The following MPRIP variants were observed in gnomAD, a reference collection of about 807,000 sequenced individuals.
The protein encoded by MPRIP is myosin phosphatase Rho interacting protein, also known as myosin phosphatase Rho-interacting protein.
In MPRIP, 59 loss-of-function variants were observed where a neutral mutation model predicts 234.9. That is an observed-to-expected ratio of 0.25 (90% CI 0.20 to 0.31). MPRIP has a LOEUF of 0.31. Ranked by LOEUF, MPRIP falls within the 10% of genes least tolerant of loss-of-function variation. The probability of loss-of-function intolerance (pLI) is 1.00; values close to 1 mark genes in which losing one functional copy is unlikely to be tolerated. For synonymous variants in MPRIP, 1,144 were observed against 1,263.9 expected, an observed-to-expected ratio of 0.91 and a Z score of 2.01; for missense variants, 2,436 against 3,071.0, an observed-to-expected ratio of 0.79 and a Z score of 4.89.
intron 23 of MPRIP, 195 bp downstream of exon 23, chr17:17,180,283 TG>T (rs1170182769): frequency 1.6e-6 from 1 of 607,754 alleles, no homozygotes; most frequent in Non-Finnish European, 2.9e-6. Context: ...AGCCACCTCC[TG>T]GCAATGACAC....
At chr17:17,082,688 A>G (rs534981904) in intron 3 of MPRIP, among the ~76,000 whole-genome samples, 1 of 152,276 alleles carries the variant, frequency 6.6e-6, no homozygotes, top group East Asian at 1.9e-4. Context: ...GTACATTCAC[A>G]TTGTTGCACA....
intron 4 of MPRIP, among the ~76,000 whole-genome samples, chr17:17,127,080 T>G (rs1239142868): frequency 6.6e-6 from 1 of 152,156 alleles, no homozygotes; most frequent in Admixed American, 6.5e-5. Flanking sequence ...TCTGGCCACC[T>G]TACCCTCCTC....
Position 17,192,531 on chromosome 17 carries a change from T to C in MPRIP, c.*7637T>C, listed in dbSNP as rs545634505. On this transcript the variant is annotated 3_prime_UTR_variant, in exon 24 of 24. Coordinates refer to ENST00000651222, the MANE Select transcript of MPRIP (RefSeq NM_001364716.4). Reference sequence around the variant, plus strand: ...TTGAAGTGTTACTTTGTCAGAATATTTATTCCTTTGTGTGACATGCTAGAT... The same window carrying C: ...TTGAAGTGTTACTTTGTCAGAATATCTATTCCTTTGTGTGACATGCTAGAT... The C allele has an allele frequency of 6.6e-6, 1 of 152,030 alleles. No individual in the cohort carries two copies. The highest frequency in any genetic ancestry group is 2.1e-4 in the South Asian group (1 of 4,804). 9.4% of individuals were successfully genotyped at this position (152,030 alleles called of 1,614,324 possible). A position where few individuals can be genotyped will look rare whatever the true frequency, so the allele number is the denominator to read the frequency against.
intron 1 of MPRIP, among the ~76,000 whole-genome samples, chr17:17,066,323 TGA>T (rs2089023676): frequency 6.6e-6 from 1 of 152,214 alleles, no homozygotes; most frequent in African/African-American, 2.4e-5. Flanking sequence ...TCCTACTTTC[TGA>T]GAGGTTTTTA....
intron 3 of MPRIP, among the ~76,000 whole-genome samples, chr17:17,102,200 T>C (rs2089976522): frequency 6.6e-6 from 1 of 152,164 alleles, no homozygotes; most frequent in African/African-American, 2.4e-5. Context: ...CCTTCCTGTC[T>C]TTATGGGCCA....
At chr17:17,102,828 C>T (rs2144228909) in intron 3 of MPRIP, among the ~76,000 whole-genome samples, 1 of 152,362 alleles carries the variant, frequency 6.6e-6, no homozygotes, top group South Asian at 2.1e-4. Context: ...CCCTGCTGGG[C>T]AACGTTGAGG....
At chr17:17,127,433 A>C (rs2090514762) in intron 4 of MPRIP, among the ~76,000 whole-genome samples, 1 of 152,240 alleles carries the variant, frequency 6.6e-6, no homozygotes, top group African/African-American at 2.4e-5. Context: ...AGAGTGGCGA[A>C]CTGGCTCAGG....
Position 17,191,898 on chromosome 17 carries a change from ACT to A in MPRIP, c.*7005_*7006del. Reference sequence around the variant, plus strand: ...GTATTAACAACGTATCTACTGACATACTGTTAGGATTCAAAACCAGTTAAGTA... The same window carrying A: ...GTATTAACAACGTATCTACTGACATAGTTAGGATTCAAAACCAGTTAAGTA... On this transcript the variant is annotated 3_prime_UTR_variant, in exon 24 of 24. Coordinates refer to ENST00000651222, the MANE Select transcript of MPRIP (RefSeq NM_001364716.4). 6.6e-6 allele frequency: 1 copy of A among 152,208 alleles called. No individual in the cohort carries two copies. Among genetic ancestry groups the A allele is most frequent in the South Asian group, 2.1e-4 (1 of 4,830 alleles). The allele number at this position is 152,208 out of a possible 1,614,324, so 9.4% of individuals were successfully genotyped here.
At position 17,190,615 on chromosome 17, in the gene MPRIP, A is replaced by C. The variant is rs1305808285; in HGVS notation, c.*5721A>C. The C allele has an allele frequency of 6.6e-6, 1 of 152,232 alleles. No individual in the cohort carries two copies. The highest frequency in any genetic ancestry group is 1.5e-5 in the Non-Finnish European group (1 of 68,036). The allele number at this position is 152,232 out of a possible 1,614,324, so 9.4% of individuals were successfully genotyped here. ...GCCCTTTTCAGAACTGTGAGCTTCA[A>C]GTATTCTTGCTTCTCTGTAAAGGGA... On this transcript the variant is annotated 3_prime_UTR_variant, in exon 24 of 24. Coordinates refer to ENST00000651222, the MANE Select transcript of MPRIP (RefSeq NM_001364716.4).
chr17:17,159,334 G>A (rs1023650046), intron 14 of MPRIP, among the ~76,000 whole-genome samples: 1 of 152,246 alleles, frequency 6.6e-6, no homozygotes, highest in Non-Finnish European at 1.5e-5. Flanking sequence ...GGAGGGGCGC[G>A]AGCAGGGCAA....
chr17:17,172,960 C>A (rs1189307266), intron 18 of MPRIP, 145 bp downstream of exon 18: 3 of 658,086 alleles, frequency 4.6e-6, no homozygotes, highest in African/African-American at 3.6e-5. Context: ...GCTCAGATGC[C>A]CTCTTGTCCA....
At chr17:17,143,259 C>T (rs2045370491) in intron 8 of MPRIP, among the ~76,000 whole-genome samples, 1 of 152,216 alleles carries the variant, frequency 6.6e-6, no homozygotes, top group Non-Finnish European at 1.5e-5. Flanking sequence ...CACCTGCCAC[C>T]ACAGAGCCCA....
chr17:17,167,799 A>G lies in MPRIP; in HGVS notation c.6208A>G (p.Ile2070Val). The G allele has an allele frequency of 7.7e-7, 1 of 1,304,262 alleles. No homozygotes were observed. Among genetic ancestry groups the G allele is most frequent in the South Asian group, 1.2e-5 (1 of 81,036 alleles). 80.8% of individuals were successfully genotyped at this position (1,304,262 alleles called of 1,614,324 possible). Residue 2070 changes from isoleucine (I) to valine (V), a missense_variant, in exon 16 of 24, where the codon ATC becomes GTC. Physicochemically the swap from Ile to Val is conservative, Grantham distance 29. Transcript: ENST00000651222. The surrounding 1 kb of genome is among the most constrained non-coding windows in gnomAD (Gnocchi z 5.9). ...ADSMTGLRER[I>V]QELEAQMDVM... ...CTCCATGACGGGGCTGAGGGAGCGC[A>G]TCCAGGAGCTGGAGGCCCAGATGGA... is the stretch of plus-strand genomic sequence containing the variant.
rs768322285 is a variant in MPRIP, at chr17:17,190,798, T to C, written c.*5904T>C. The C allele has an allele frequency of 6.6e-6, 1 of 152,224 alleles. No homozygotes were observed. The highest frequency in any genetic ancestry group is 1.5e-5 in the Non-Finnish European group (1 of 68,042). The allele number at this position is 152,224 out of a possible 1,614,324, so 9.4% of individuals were successfully genotyped here. A position where few individuals can be genotyped will look rare whatever the true frequency, so the allele number is the denominator to read the frequency against. ...CCTTAGGTGTTCGGATGCAGTACTT[T>C]GTGAATACTTAAGCTACTGCATGCT... On this transcript the variant is annotated 3_prime_UTR_variant, in exon 24 of 24. Coordinates refer to ENST00000651222, the MANE Select transcript of MPRIP (RefSeq NM_001364716.4).
chr17:17,151,203 G>A (rs1046838212), intron 12 of MPRIP, among the ~76,000 whole-genome samples: 3 of 151,964 alleles, frequency 2.0e-5, no homozygotes, highest in African/African-American at 4.8e-5. Flanking sequence ...TTGTGAGTCC[G>A]GAGGTTTCCA....
In MPRIP at chr17:17,164,943, A is replaced by G. The variant is rs996454957; in HGVS notation, c.3352A>G (p.Thr1118Ala). The stretch of plus-strand genomic sequence containing the variant: ...CCTCAGACAGCGGTTCCAGGAGCTG[A>G]CAGAGCGCGTGGCCACGTCCGACGA... ...DLLRQRFQEL[T>A]ERVATSDEDV... The change falls in exon 16 of 24, where the codon ACA (threonine) becomes GCA (alanine). Residue 1118 changes from threonine to alanine, a missense_variant. Thr to Ala is a moderately conservative substitution (Grantham distance 58). Coordinates refer to ENST00000651222, the MANE Select transcript of MPRIP (RefSeq NM_001364716.4). 3.1e-6 allele frequency: 4 copies of G among 1,303,828 alleles called. No homozygotes were observed. The highest frequency in any genetic ancestry group is 1.5e-5 in the African/African-American group (1 of 65,998). The allele number at this position is 1,303,828 out of a possible 1,614,324, so 80.8% of individuals were successfully genotyped here.
intron 1 of MPRIP, among the ~76,000 whole-genome samples, chr17:17,072,894 A>T (rs76356343): frequency 6.6e-6 from 1 of 152,036 alleles, no homozygotes; most frequent in Non-Finnish European, 1.5e-5. Context: ...CCTGTTATCT[A>T]TGGGGTCCTT....
chr17:17,130,716 G>A (rs1453666658), intron 4 of MPRIP, among the ~76,000 whole-genome samples: 3 of 152,156 alleles, frequency 2.0e-5, no homozygotes, highest in South Asian at 4.1e-4. Context: ...GCACAACCAG[G>A]CCCAGGGCTG....
intron 12 of MPRIP, 26 bp from the exon 13 acceptor site, chr17:17,154,280 G>A (rs757367497): frequency 2.8e-5 from 45 of 1,602,538 alleles, no homozygotes; most frequent in Non-Finnish European, 3.8e-5. Flanking sequence ...GACAGTCACT[G>A]ATGGTGCCTC....
Sources: gnomAD v4.1 joint callset for allele counts (sites outside exome capture counted in the v4.1 genomes callset) on GRCh38, gnomAD v4.1.1 for gene constraint, Gnocchi (gnomAD v3.1) non-coding constraint, MANE v1.5 for transcripts, NCBI Gene and HGNC (gene_info 2026-07-23, HGNC 2026-07-21) for gene names.